Variants in ARRDC2 observed in about 807,000 individuals in gnomAD.
ARRDC2 encodes the protein arrestin domain-containing protein 2.
A neutral mutation model predicts 38.9 loss-of-function variants in ARRDC2; 39 were observed. The ratio of observed to expected loss-of-function variants is 1.00; its 90% CI spans 0.78 to 1.31. The LOEUF is 1.31. ARRDC2 is among the 50% of genes most tolerant of loss of function. The pLI, the probability that ARRDC2 is intolerant of heterozygous loss-of-function variation, is 0.00. For synonymous variants in ARRDC2, 300 were observed against 261.9 expected, an observed-to-expected ratio of 1.15 and a Z score of -1.41; for missense variants, 553 against 588.4, an observed-to-expected ratio of 0.94 and a Z score of 0.62.
upstream of ARRDC2, among the ~76,000 whole-genome samples, chr19:18,003,920 T>C (rs1296033617): frequency 6.6e-6 from 1 of 151,876 alleles, no homozygotes; most frequent in African/African-American, 2.4e-5. Flanking sequence ...ATTACAGGCA[T>C]GAGCCACAGT....
chr19:18,010,781 T>G (rs1233880866), intron 7 of ARRDC2, 52 bp downstream of exon 7: 5 of 1,582,158 alleles, frequency 3.2e-6, no homozygotes, highest in Non-Finnish European at 4.3e-6. Flanking sequence ...CCTGGGAGCC[T>G]TGATGGGGTG....
upstream of ARRDC2, chr19:18,008,115 G>GTGGCCCCC: frequency 2.5e-6 from 2 of 810,030 alleles, no homozygotes; most frequent in Non-Finnish European, 3.4e-6. Context: ...AAGAGACGGT[G>GTGGCCCCC]ACCCCACCCC....
In ARRDC2 at chr19:18,009,040, G is replaced by T. The variant is rs201677116; in HGVS notation, c.411G>T (p.Arg137=). 6.2e-7 allele frequency: 1 copy of T among 1,613,642 alleles called. No individual in the cohort carries two copies. Among genetic ancestry groups the T allele is most frequent in the Admixed American group, 1.7e-5 (1 of 60,010 alleles). ...ACTGTATCAAGGCCACCCTGCACCG[G>T]CCCTGGGTCCCAGCACGCCGGGCAA... ...VRYCIKATLH[R]PWVPARRARK... Residue 137 remains arginine, a synonymous_variant, in exon 3 of 8, where the codon CGG becomes CGT. Coordinates refer to ENST00000222250, the MANE Select transcript of ARRDC2 (RefSeq NM_015683.2).
At chr19:18,012,393 C>T (rs1023489780) in intron 7 of ARRDC2, among the ~76,000 whole-genome samples, 1 of 151,730 alleles carries the variant, frequency 6.6e-6, no homozygotes, top group African/African-American at 2.4e-5. Flanking sequence ...TTGAGACCAG[C>T]CTGGCCAACA....
At chr19:18,008,115 G>GT, upstream of ARRDC2, 6 of 810,026 alleles carry the variant, frequency 7.4e-6, no homozygotes, top group South Asian at 1.8e-5. Flanking sequence ...AAGAGACGGT[G>GT]ACCCCACCCC....
At chr19:18,005,016 ATTT>A (rs138618373), upstream of ARRDC2, among the ~76,000 whole-genome samples, 23 of 148,770 alleles carry the variant, frequency 1.5e-4, no homozygotes, top group African/African-American at 5.2e-4. Context: ...TTTAAAAAAA[ATTT>A]TTTTTTTTTA....
chr19:18,010,682 G>T lies in ARRDC2; in HGVS notation c.1123G>T (p.Ala375Ser), dbSNP rs754035472. 18 of 1,613,688 alleles carry T rather than the reference G, an allele frequency of 1.1e-5. No individual in the cohort carries two copies. The highest frequency in any genetic ancestry group is 1.4e-5 in the Non-Finnish European group (17 of 1,180,028). The change falls in exon 7 of 8, where the codon GCC (alanine) becomes TCC (serine). Residue 375 changes from alanine (A) to serine (S), a missense_variant. Coordinates refer to ENST00000222250, the MANE Select transcript of ARRDC2 (RefSeq NM_015683.2). ...PDMSLEGPFFAYIQEFRYRPP... is the reference protein window; with the variant it reads ...PDMSLEGPFFSYIQEFRYRPP... ...CATGAGCCTTGAAGGCCCGTTCTTC[G>T]CCTACATCCAAGAGTTCCGCTACCG...
Position 18,009,248 on chromosome 19 carries a change from A to C in ARRDC2, c.489+130A>C, listed in dbSNP as rs557340946. ...TGGCAGGGAGGGAGGCAGGTGTGGG[A>C]ATGCGTGTGGAATCCACTGGGATCT... On this transcript the variant is annotated intron_variant, in intron 3 of 7. Coordinates refer to ENST00000222250, the MANE Select transcript of ARRDC2 (RefSeq NM_015683.2). 9.9e-6 allele frequency: 11 copies of C among 1,113,102 alleles called. No individual in the cohort carries two copies. The African/African-American group carries it at 1.7e-4, about 17-fold the overall frequency. The allele number at this position is 1,113,102 out of a possible 1,614,324, so 69.0% of individuals were successfully genotyped here.
At chr19:18,001,254 G>A (rs899325638) in exon 1 of ARRDC2, 9 of 1,151,082 alleles carry the variant, frequency 7.8e-6, no homozygotes, top group Non-Finnish European at 7.5e-6. Context: ...GGGATCTGCA[G>A]GCGCGCCCGG....
At chr19:18,012,151 GT>G (rs962948755) in intron 7 of ARRDC2, among the ~76,000 whole-genome samples, 1 of 150,408 alleles carries the variant, frequency 6.6e-6, no homozygotes, top group African/African-American at 2.4e-5. Flanking sequence ...TAGAGACGGG[GT>G]TTTGCCATGT....
intron 6 of ARRDC2, 22 bp from the exon 7 acceptor site, chr19:18,010,550 C>A: frequency 6.2e-7 from 1 of 1,612,308 alleles, no homozygotes; most frequent in East Asian, 2.2e-5. Context: ...CCAACCTCAC[C>A]CACCCTGTCT....
chr19:18,008,710 G>T lies in ARRDC2; in HGVS notation c.275-1G>T. On this transcript the variant is annotated splice_acceptor_variant, in intron 1 of 7. Transcript: ENST00000222250. LOFTEE classifies it high-confidence loss of function. ...TCGCCTCCTTTTTCTCCTACCTGCAGATACCGGGGAGACCACGACGCTGCC... is the reference window on the plus strand; with the variant it reads ...TCGCCTCCTTTTTCTCCTACCTGCATATACCGGGGAGACCACGACGCTGCC... The T allele has an allele frequency of 6.2e-7, 1 of 1,613,212 alleles. No homozygotes were observed. Among genetic ancestry groups the T allele is most frequent in the Non-Finnish European group, 8.5e-7 (1 of 1,179,988 alleles).
chr19:18,003,029 G>A (rs2033208179), intron 1 of ARRDC2, among the ~76,000 whole-genome samples: 1 of 152,024 alleles, frequency 6.6e-6, no homozygotes, highest in South Asian at 2.1e-4. Flanking sequence ...GAACCCGGCA[G>A]GCGGAGATTG....
chr19:18,010,474 G>T, intron 6 of ARRDC2, 98 bp from the exon 7 acceptor site: 1 of 1,556,784 alleles, frequency 6.4e-7, no homozygotes, highest in South Asian at 1.1e-5. Flanking sequence ...CATACAGCCT[G>T]GCAGCCCCAG....
upstream of ARRDC2, among the ~76,000 whole-genome samples, chr19:18,003,435 T>G (rs2033216308): frequency 6.7e-6 from 1 of 149,776 alleles, no homozygotes; most frequent in African/African-American, 2.5e-5. Context: ...CCCGGCTAAC[T>G]TTTTGTTTTG....
At chr19:18,009,455 G>A (rs1568467511) in intron 3 of ARRDC2, 137 bp from the exon 4 acceptor site, 5 of 768,172 alleles carry the variant, frequency 6.5e-6, no homozygotes, top group South Asian at 1.8e-5. Context: ...TCTATTTAAC[G>A]GATAGTTCCT....
rs200479749 is a variant in ARRDC2, at chr19:18,010,056, G to A, written c.849+17G>A. 8 of 1,603,526 alleles carry A rather than the reference G, an allele frequency of 5.0e-6. No homozygotes were observed. The highest frequency in any genetic ancestry group is 6.8e-6 in the Non-Finnish European group (8 of 1,179,088). ...GCACTCAAGGTAGGGCATCCTGCTG[G>A]CCCTGGGGGACAGTGCCTACATTCA... On this transcript the variant is annotated intron_variant, in intron 5 of 7. Transcript: ENST00000222250.
At position 18,013,002 on chromosome 19, in the gene ARRDC2, AC is replaced by A. The variant is rs748011271; in HGVS notation, c.*38del. 5.6e-6 allele frequency: 9 copies of A among 1,609,308 alleles called. No homozygotes were observed. Among genetic ancestry groups the A allele is most frequent in the Non-Finnish European group, 6.8e-6 (8 of 1,177,080 alleles). ...GACCCCTCGAGGAACAAGGTTGCAC[AC>A]CAGCTTTCAGCCACCATGACTGTGG... On this transcript the variant is annotated 3_prime_UTR_variant, in exon 8 of 8. Transcript: ENST00000222250.
upstream of ARRDC2, among the ~76,000 whole-genome samples, chr19:18,006,872 TCCC>T (rs370000269): frequency 1.4e-4 from 21 of 152,180 alleles, no homozygotes; most frequent in African/African-American, 4.6e-4. Flanking sequence ...GCCTACTGTC[TCCC>T]CTCTAGTATC....
Sources: gnomAD v4.1 joint callset for allele counts (sites outside exome capture counted in the v4.1 genomes callset) on GRCh38, gnomAD v4.1.1 for gene constraint, MANE v1.5 for transcripts, NCBI Gene and HGNC (gene_info 2026-07-23, HGNC 2026-07-21) for gene names.